Variants in MICU2 observed in about 807,000 individuals in gnomAD.
MICU2 encodes mitochondrial calcium uptake 2.
MICU2 carries 64 observed loss-of-function variants against 60.4 expected under a neutral mutation model. The observed-to-expected ratio is 1.06, with a 90% CI of 0.87 to 1.31. The LOEUF (loss-of-function observed/expected upper bound fraction) is 1.31. Ranked by LOEUF, MICU2 falls within the 50% of genes most tolerant of loss-of-function variation. The pLI, the probability that MICU2 is intolerant of heterozygous loss-of-function variation, is 0.00. For synonymous variants in MICU2, 201 were observed against 175.0 expected, an observed-to-expected ratio of 1.15 and a Z score of -1.17; for missense variants, 569 against 531.0, an observed-to-expected ratio of 1.07 and a Z score of -0.70.
chr13:21,527,460 T>C (rs765080747), intron 4 of MICU2, among the ~76,000 whole-genome samples: 41 of 152,166 alleles, frequency 2.7e-4, no homozygotes, highest in Non-Finnish European at 5.3e-4. Flanking sequence ...CTGACTTAAA[T>C]AAAAAGCTTG....
At chr13:21,539,559 A>C in intron 3 of MICU2, 98 bp downstream of exon 3, 2 of 1,514,422 alleles carry the variant, frequency 1.3e-6, no homozygotes, top group Middle Eastern at 1.7e-4. Context: ...TGGCCTCCCA[A>C]AGTGCTGGGA....
chr13:21,532,984 A>T (rs1445537104), intron 4 of MICU2, among the ~76,000 whole-genome samples: 1 of 152,214 alleles, frequency 6.6e-6, no homozygotes, highest in Admixed American at 6.5e-5. Flanking sequence ...ATGGGGTAAA[A>T]TAGGGAAAAA....
intron 1 of MICU2, among the ~76,000 whole-genome samples, chr13:21,571,267 C>G (rs967332555): frequency 2.0e-5 from 3 of 152,040 alleles, no homozygotes; most frequent in African/African-American, 4.8e-5. Flanking sequence ...TAAGTAAGCA[C>G]AGTTAGAATA....
intron 6 of MICU2, among the ~76,000 whole-genome samples, chr13:21,515,220 T>G (rs1886540687): frequency 6.6e-6 from 1 of 151,966 alleles, no homozygotes; most frequent in African/African-American, 2.4e-5. Flanking sequence ...TAGCTGGGAC[T>G]ACAGGCACCC....
intron 4 of MICU2, among the ~76,000 whole-genome samples, chr13:21,536,459 C>T (rs1011857163): frequency 1.3e-4 from 20 of 152,074 alleles, no homozygotes; most frequent in Non-Finnish European, 2.8e-4. Context: ...TCCCAAGTAG[C>T]TGGGACTACA....
intron 4 of MICU2, among the ~76,000 whole-genome samples, chr13:21,533,431 C>A (rs774780140): frequency 6.6e-5 from 10 of 151,182 alleles, no homozygotes; most frequent in Non-Finnish European, 1.5e-4. Flanking sequence ...TCACGCCATT[C>A]CCCTGCCTCA....
chr13:21,591,266 CAA>C (rs1385313141), intron 1 of MICU2, among the ~76,000 whole-genome samples: 1 of 149,676 alleles, frequency 6.7e-6, no homozygotes, highest in Non-Finnish European at 1.5e-5. Flanking sequence ...TCAACAAAGA[CAA>C]AAAAAGACAA....
In MICU2 at chr13:21,590,988, ATAAC is replaced by A. The variant is rs1888568890; in HGVS notation, c.210+12947_210+12950del. Among the ~76,000 whole-genome samples the A allele has an allele frequency of 2.0e-5, 3 of 152,240 alleles. No homozygotes were observed. The South Asian group carries it at 6.2e-4, about 31-fold the overall frequency. ...GAAACTGCATCAACTAGTGTGCAAAATAACTAAATAGCATCATGATGACAGGATC... is the reference window on the plus strand; with the variant it reads ...GAAACTGCATCAACTAGTGTGCAAAATAAATAGCATCATGATGACAGGATC... On this transcript the variant is annotated intron_variant, in intron 1 of 11. Coordinates refer to ENST00000382374, the MANE Select transcript of MICU2 (RefSeq NM_152726.3).
intron 2 of MICU2, among the ~76,000 whole-genome samples, chr13:21,559,816 T>C (rs917489917): frequency 6.6e-6 from 1 of 152,194 alleles, no homozygotes; most frequent in South Asian, 2.1e-4. Context: ...TGAGCCACCA[T>C]GCCCAGCCCA....
In MICU2 at chr13:21,604,009, G is replaced by C. The variant is rs750756192; in HGVS notation, c.140C>G (p.Ala47Gly). The change falls in exon 1 of 12, where the codon GCA becomes GGA. Residue 47 changes from alanine (A) to glycine (G), a missense_variant. Ala to Gly is a moderately conservative substitution (Grantham distance 60, BLOSUM62 0). Coordinates refer to ENST00000382374, the MANE Select transcript of MICU2 (RefSeq NM_152726.3). ...AAVAGAALAG[A>G]GAAWHHSRVS... The stretch of plus-strand genomic sequence containing the variant: ...GCGGCTGTGGTGCCAGGCCGCTCCT[G>C]CTCCTGCCAGGGCCGCGCCGGCCAC... 30 of 1,610,502 alleles carry C rather than the reference G, an allele frequency of 1.9e-5. No homozygotes were observed. The African/African-American group carries it at 3.7e-4, about 20-fold the overall frequency.
At position 21,522,654 on chromosome 13, in the gene MICU2, A is replaced by G; in HGVS notation, c.467-4T>C. On this transcript the variant is annotated splice_polypyrimidine_tract_variant and splice_region_variant and intron_variant, in intron 4 of 11. Transcript: ENST00000382374. ...TACTCGGTATATGAAATTAGCCCTG[A>G]AAGAGATAAAAACATACCAGAAAAT... 3 of 1,595,352 alleles carry G rather than the reference A, an allele frequency of 1.9e-6. No homozygotes were observed. Among genetic ancestry groups the G allele is most frequent in the Non-Finnish European group, 1.7e-6 (2 of 1,168,830 alleles).
At chr13:21,547,008 C>A (rs1222317114) in intron 2 of MICU2, among the ~76,000 whole-genome samples, 2 of 152,074 alleles carry the variant, frequency 1.3e-5, no homozygotes, top group Non-Finnish European at 2.9e-5. Context: ...ATTGGCTAGA[C>A]CTTCCATCCA....
intron 8 of MICU2, among the ~76,000 whole-genome samples, chr13:21,505,550 CA>C (rs1886272422): frequency 6.6e-6 from 1 of 152,038 alleles, no homozygotes; most frequent in South Asian, 2.1e-4. Flanking sequence ...AGTGATATTT[CA>C]GCTGGAAAAT....
intron 4 of MICU2, among the ~76,000 whole-genome samples, chr13:21,537,472 T>TC: frequency 7.1e-6 from 1 of 140,546 alleles, no homozygotes; most frequent in South Asian, 2.4e-4. Context: ...TTTCTTTCTT[T>TC]TTTTTTTTTT....
At chr13:21,544,613 T>C (rs1303876614) in intron 2 of MICU2, among the ~76,000 whole-genome samples, 1 of 151,746 alleles carries the variant, frequency 6.6e-6, no homozygotes, top group African/African-American at 2.4e-5. Flanking sequence ...TGATGGCTAT[T>C]AGCAAAAAGA....
intron 1 of MICU2, among the ~76,000 whole-genome samples, chr13:21,598,469 A>G (rs1164146537): frequency 2.0e-5 from 3 of 152,150 alleles, no homozygotes; most frequent in Non-Finnish European, 4.4e-5. Flanking sequence ...TAATCCCAGA[A>G]CTTTAGGAGG....
At chr13:21,563,315 C>T (rs1350538087) in intron 2 of MICU2, among the ~76,000 whole-genome samples, 4 of 152,060 alleles carry the variant, frequency 2.6e-5, no homozygotes, top group East Asian at 1.9e-4. Flanking sequence ...ATTAGTCGGG[C>T]GTGGTGGCGG....
chr13:21,550,415 G>A (rs1887527604), intron 2 of MICU2, among the ~76,000 whole-genome samples: 2 of 152,162 alleles, frequency 1.3e-5, no homozygotes, highest in African/African-American at 4.8e-5. Context: ...GCATGTGCCT[G>A]TAGTCCCAGC....
At chr13:21,578,226 T>C (rs182049981) in intron 1 of MICU2, among the ~76,000 whole-genome samples, 2 of 152,356 alleles carry the variant, frequency 1.3e-5, no homozygotes, top group East Asian at 3.9e-4. Context: ...AGTGCATGGC[T>C]AACATGGTAA....
Sources: gnomAD v4.1 joint callset for allele counts (sites outside exome capture counted in the v4.1 genomes callset) on GRCh38, gnomAD v4.1.1 for gene constraint, MANE v1.5 for transcripts, NCBI Gene and HGNC (gene_info 2026-07-23, HGNC 2026-07-21) for gene names.